The following DVL1 variants were observed in gnomAD, a reference collection of about 807,000 sequenced individuals.
The protein encoded by DVL1 is segment polarity protein dishevelled homolog DVL-1.
Under a neutral mutation model 65.0 loss-of-function variants are expected in DVL1, and 49 were observed. The observed-to-expected ratio is 0.75, with a 90% CI of 0.60 to 0.96. The LOEUF (loss-of-function observed/expected upper bound fraction) is 0.96, where lower values mean the gene tolerates loss of function less well. DVL1 is among the 40% of genes least tolerant of loss of function. The probability of loss-of-function intolerance (pLI) is 0.00; values close to 1 mark genes in which losing one functional copy is unlikely to be tolerated. For synonymous variants in DVL1, 608 were observed against 433.9 expected (o/e 1.40, Z -4.99); for missense variants, 1,197 against 1,045.4 (o/e 1.15, Z -2.00).
rs1335842912 is a variant in DVL1 at position 1,340,304 on chromosome 1, TGAA to T, written c.709_711del (p.Phe237del). The T allele has an allele frequency of 4.3e-6, 7 of 1,613,828 alleles. No individual in the cohort carries two copies. The highest frequency in any genetic ancestry group is 5.9e-6 in the Non-Finnish European group (7 of 1,179,994). On this transcript the variant is annotated inframe_deletion, in exon 7 of 15. Coordinates refer to ENST00000378888, the MANE Select transcript of DVL1 (RefSeq NM_001330311.2). ...GACATGGTGGAGTCGGTTATGCTGCTGAAGGAGGAGGCCTATGGAGGAGAGGGG... is the reference window on the plus strand; with the variant it reads ...GACATGGTGGAGTCGGTTATGCTGCTGGAGGAGGCCTATGGAGGAGAGGGG...
intron 5 of DVL1, among the ~76,000 whole-genome samples, chr1:1,340,903 A>G (rs1351426003): frequency 3.0e-5 from 4 of 134,324 alleles, no homozygotes; most frequent in Non-Finnish European, 6.3e-5. Context: ...ACACGCACGC[A>G]TGAACACACG....
At position 1,340,359 on chromosome 1, in the gene DVL1, C is replaced by T. The variant is rs200442324; in HGVS notation, c.700-43G>A. The T allele has an allele frequency of 3.5e-4, 570 of 1,613,394 alleles. 4 individuals carry two copies. In the East Asian group the frequency reaches 6.8e-3, roughly 19 times the overall value. ...CGTGTGTAAAAGGCACGGGGCTGCC[C>T]GACACTGACTTCGCCTCCCCAGCCC... is the stretch of plus-strand genomic sequence containing the variant. On this transcript the variant is annotated intron_variant, in intron 6 of 14. Transcript: ENST00000378888.
rs776480963 is a variant in DVL1 at position 1,340,059 on chromosome 1, C to G, written c.888G>C (p.Glu296Asp). The G allele has an allele frequency of 6.2e-6, 10 of 1,612,908 alleles. No individual in the cohort carries two copies. The highest frequency in any genetic ancestry group is 5.9e-6 in the Non-Finnish European group (7 of 1,179,840). ...GGAVAADGRI[E>D]PGDMLLQVND... ...ACACCTGCAGCAACATGTCGCCGGG[C>G]TCGATGCGGCCGTCAGCGGCCACAG... The change falls in exon 8 of 15, where the codon GAG (glutamate) becomes GAC (aspartate). Residue 296 changes from glutamate to aspartate, a missense_variant. By Grantham distance (45) the Glu-to-Asp change is conservative. Transcript: ENST00000378888.
intron 13 of DVL1, 40 bp downstream of exon 13, chr1:1,338,229 T>TTGCCCCCCCCCCCC: frequency 6.6e-7 from 1 of 1,522,362 alleles, no homozygotes; most frequent in Non-Finnish European, 9.0e-7. Flanking sequence ...CCTCCGGCGT[T>TTGCCCCCCCCCCCC]CCCCTCCCCC....
chr1:1,336,483 G>T lies in DVL1; in HGVS notation c.1747C>A (p.Arg583Ser), dbSNP rs781647592. Reference protein sequence around the residue: ...SKSSGSTRSSRRAPGREKERR... With the variant: ...SKSSGSTRSSSRAPGREKERR... The stretch of plus-strand genomic sequence containing the variant: ...TCCTTCTCACGGCCCGGGGCCCGGC[G>T]GCTGCTCCGGGTGGACCCACTGCTT... Residue 583 changes from arginine to serine, a missense_variant, in exon 15 of 15, where the codon CGC becomes AGC. Transcript: ENST00000378888. 7 of 1,544,416 alleles carry T rather than the reference G, an allele frequency of 4.5e-6. No homozygotes were observed. The highest frequency in any genetic ancestry group is 5.2e-6 in the Non-Finnish European group (6 of 1,154,532).
Position 1,338,327 on chromosome 1 carries a change from C to A in DVL1, c.1449G>T (p.Thr483=). The part of the protein sequence containing the change: ...SLLKHGFLRH[T]VNKITFSEQC... ...GCTCGGAGAAGGTGATCTTGTTGAC[C>A]GTGTGCCGCAGGAAGCCGTGCTTCA... The change falls in exon 13 of 15, where the codon ACG becomes ACT. Residue 483 remains threonine, a synonymous_variant. Coordinates refer to ENST00000378888, the MANE Select transcript of DVL1 (RefSeq NM_001330311.2). 1.2e-6 allele frequency: 2 copies of A among 1,611,016 alleles called. No individual in the cohort carries two copies. Among genetic ancestry groups the A allele is most frequent in the Non-Finnish European group, 1.7e-6 (2 of 1,179,042 alleles).
intron 5 of DVL1, 33 bp from the exon 6 acceptor site, chr1:1,340,536 G>A (rs751091782): frequency 1.9e-6 from 3 of 1,569,262 alleles, no homozygotes; most frequent in South Asian, 2.3e-5. Context: ...CAGAGGAGCT[G>A]GAGACATGGG....
chr1:1,336,671 C>G lies in DVL1; in HGVS notation c.1715-156G>C, dbSNP rs1033856756. 7.5e-5 allele frequency: 51 copies of G among 676,224 alleles called. No homozygotes were observed. The African/African-American group carries it at 9.4e-4, about 13-fold the overall frequency. The allele number at this position is 676,224 out of a possible 1,614,324, so 41.9% of individuals were successfully genotyped here. A position where few individuals can be genotyped will look rare whatever the true frequency, so the allele number is the denominator to read the frequency against. ...CAGGCGCGAGGACAGGGCCGGCACC[C>G]CCAGGGTCGCAGGGGCAGCTGCGGC... On this transcript the variant is annotated intron_variant, in intron 14 of 14. Coordinates refer to ENST00000378888, the MANE Select transcript of DVL1 (RefSeq NM_001330311.2).
intron 5 of DVL1, 117 bp downstream of exon 5, chr1:1,341,548 ATG>A: frequency 1.5e-6 from 2 of 1,300,498 alleles, no homozygotes; most frequent in East Asian, 2.8e-5. Context: ...AGGCACACAC[ATG>A]CACACACACG....
rs140836852 is a variant in DVL1, at chr1:1,340,019, G to C, written c.909+19C>G. 6.3e-5 allele frequency: 100 copies of C among 1,587,946 alleles called. No homozygotes were observed. Among genetic ancestry groups the C allele is most frequent in the Non-Finnish European group, 8.5e-5 (99 of 1,168,212 alleles). On this transcript the variant is annotated intron_variant, in intron 8 of 14. Transcript: ENST00000378888. ...CCCACCCGCAGCTACATGTCACCCC[G>C]CAGCCCCCACAGACACACCTGCAGC...
Position 1,336,366 on chromosome 1 carries a change from C to A in DVL1, c.1864G>T (p.Gly622Cys). ...VGSSWRERPAGQLSRGSSPRS... is the reference protein window; with the variant it reads ...VGSSWRERPACQLSRGSSPRS... ...GGGCTGCTGCCACGGCTGAGCTGGC[C>A]GGCCGGACGCTCTCGCCAGCTGCTC... Residue 622 changes from glycine to cysteine, a missense_variant, in exon 15 of 15, where the codon GGC (glycine) becomes TGC (cysteine). Gly to Cys is a radical substitution (Grantham distance 159). Coordinates refer to ENST00000378888, the MANE Select transcript of DVL1 (RefSeq NM_001330311.2). 1 of 1,596,758 alleles carries A rather than the reference C, an allele frequency of 6.3e-7. No individual in the cohort carries two copies. The highest frequency in any genetic ancestry group is 8.5e-7 in the Non-Finnish European group (1 of 1,177,930).
chr1:1,342,892 C>T (rs1382928129), intron 1 of DVL1, 134 bp from the exon 2 acceptor site: 4 of 808,910 alleles, frequency 4.9e-6, no homozygotes, highest in African/African-American at 1.7e-5. Flanking sequence ...GCGCATTCTC[C>T]TCTTGGGAAC....
At chr1:1,347,965 T>G (rs548424931) in intron 1 of DVL1, among the ~76,000 whole-genome samples, 6 of 152,314 alleles carry the variant, frequency 3.9e-5, no homozygotes, top group Admixed American at 3.9e-4. Context: ...CTGAGGACCC[T>G]GCAACCACAG....
rs761433674 is a variant in DVL1, at chr1:1,340,174, C to G, written c.773G>C (p.Arg258Thr). 2 of 1,613,746 alleles carry G rather than the reference C, an allele frequency of 1.2e-6. No homozygotes were observed. Among genetic ancestry groups the G allele is most frequent in the Admixed American group, 1.7e-5 (1 of 60,026 alleles). The part of the protein sequence containing the change: ...NIVTVTLNME[R>T]HHFLGISIVG... ...GATGCTGATGCCCAGAAAGTGATGT[C>G]TTTCTGCAGGAAGAGCCATGAGCCG... Residue 258 changes from arginine (R) to threonine (T), a missense_variant, in exon 8 of 15, where the codon AGA becomes ACA. Transcript: ENST00000378888.
chr1:1,341,768 C>A lies in DVL1; in HGVS notation c.504G>T (p.Arg168=), dbSNP rs1553174659. The A allele has an allele frequency of 1.2e-6, 2 of 1,603,076 alleles. No individual in the cohort carries two copies. The highest frequency in any genetic ancestry group is 1.7e-6 in the Non-Finnish European group (2 of 1,174,412). ...RTNGHPRGDR[R]RDVGLPPDSA... ...TGTCTGGGGGCAGCCCCACATCCCG[C>A]CGTCGGTCTCCCCTTGGGTGCCCAT... is the stretch of plus-strand genomic sequence containing the variant. Residue 168 remains arginine (R), a synonymous_variant, in exon 5 of 15, where the codon CGG becomes CGT. Transcript: ENST00000378888.
At position 1,344,963 on chromosome 1, in the gene DVL1, G is replaced by A. The variant is rs151197610; in HGVS notation, c.171-2205C>T. 5.3e-4 allele frequency among the ~76,000 whole-genome samples: 81 copies of A among 152,116 alleles called. 1 individual carries two copies. Among genetic ancestry groups the A allele is most frequent in the African/African-American group, 1.9e-3 (79 of 41,492 alleles). On this transcript the variant is annotated intron_variant, in intron 1 of 14. Transcript: ENST00000378888. ...CCCAGCACCCTCTGACTCACCTGAG[G>A]GAGACACTCAGTCACCCAGCACCCT...
At chr1:1,347,948 G>A (rs1209263341) in intron 1 of DVL1, among the ~76,000 whole-genome samples, 3 of 152,182 alleles carry the variant, frequency 2.0e-5, no homozygotes, top group African/African-American at 7.2e-5. Flanking sequence ...ACTGGACCTG[G>A]GGCTGCCTGA....
intron 2 of DVL1, 55 bp downstream of exon 2, chr1:1,342,634 C>G: frequency 6.2e-7 from 1 of 1,603,584 alleles, no homozygotes; most frequent in East Asian, 2.2e-5. Context: ...CAGGAAGAGC[C>G]CCACCCTGGA....
rs926561391 is a variant in DVL1 at position 1,337,910 on chromosome 1, G to C, written c.1714+67C>G. ...GGGGTGGGGTGGAACTGGGGGCGGA[G>C]CAGCAGTGGAGTGGGGCGGAGCTGG... On this transcript the variant is annotated intron_variant, in intron 14 of 14. Coordinates refer to ENST00000378888, the MANE Select transcript of DVL1 (RefSeq NM_001330311.2). 5 of 1,288,958 alleles carry C rather than the reference G, an allele frequency of 3.9e-6. No individual in the cohort carries two copies. The African/African-American group carries it at 5.8e-5, about 15-fold the overall frequency. The allele number at this position is 1,288,958 out of a possible 1,614,324, so 79.8% of individuals were successfully genotyped here.
Sources: allele counts gnomAD v4.1 joint callset (sites outside exome capture counted in the v4.1 genomes callset), GRCh38; gene constraint gnomAD v4.1.1; transcripts MANE v1.5; gene names NCBI Gene and HGNC (gene_info 2026-07-23, HGNC 2026-07-21).